Variants in MAST3 observed in about 807,000 individuals in gnomAD.
The protein encoded by MAST3 is microtubule-associated serine/threonine-protein kinase 3.
A neutral mutation model predicts 127.0 loss-of-function variants in MAST3; 43 were observed. That is an observed-to-expected ratio of 0.34 (90% CI 0.27 to 0.44). The LOEUF is 0.44. Among genes scored for constraint, MAST3 ranks in the 20% least tolerant of loss-of-function variants. The probability of loss-of-function intolerance (pLI) is 1.00; values close to 1 mark genes in which losing one functional copy is unlikely to be tolerated. For missense variants in MAST3, 1,390 were observed against 1,919.1 expected (o/e 0.72, Z 5.15); for synonymous variants, 785 against 809.2 (o/e 0.97, Z 0.51).
chr19:18,143,324 C>T (rs2042711189), intron 21 of MAST3, among the ~76,000 whole-genome samples: 1 of 152,160 alleles, frequency 6.6e-6, no homozygotes, highest in South Asian at 2.1e-4. Context: ...GCCTGTAATC[C>T]CAGCACTTTG....
At chr19:18,099,823 C>T (rs1429543279) in intron 1 of MAST3, among the ~76,000 whole-genome samples, 1 of 152,210 alleles carries the variant, frequency 6.6e-6, no homozygotes, top group Non-Finnish European at 1.5e-5. Flanking sequence ...TATTTCTTAG[C>T]ACTAGAGGCT....
At position 18,150,707 on chromosome 19, in the gene MAST3, C is replaced by T. The variant is rs1020048619; in HGVS notation, c.*981C>T. 1.3e-5 allele frequency: 2 copies of T among 152,346 alleles called. No homozygotes were observed. The highest frequency in any genetic ancestry group is 2.9e-5 in the Non-Finnish European group (2 of 68,108). The allele number at this position is 152,346 out of a possible 1,614,324, so 9.4% of individuals were successfully genotyped here. On this transcript the variant is annotated 3_prime_UTR_variant, in exon 28 of 28. Coordinates refer to ENST00000687212, the MANE Select transcript of MAST3 (RefSeq NM_001393504.1). The stretch of plus-strand genomic sequence containing the variant: ...CTATATATAGAGTCTGCCTCCAATC[C>T]TGCTGGCTTCAGCCTGGAGAAGGGA...
rs901201692 is a variant in MAST3 at position 18,112,995 on chromosome 19, A to G, written c.161+2254A>G. 6.6e-6 allele frequency among the ~76,000 whole-genome samples: 1 copy of G among 152,170 alleles called. No individual in the cohort carries two copies. Among genetic ancestry groups the G allele is most frequent in the Non-Finnish European group, 1.5e-5 (1 of 68,030 alleles). ...GAGCATCCTAGGAAGGTTTCGGGCC[A>G]GATCTGACTCTGTCTAAATCCTTGG... On this transcript the variant is annotated intron_variant, in intron 3 of 27. Coordinates refer to ENST00000687212, the MANE Select transcript of MAST3 (RefSeq NM_001393504.1). This position sits in a 1 kb window ranked among gnomAD's most constrained non-coding sequence, Gnocchi z 4.1.
intron 2 of MAST3, chr19:18,109,902 A>T: frequency 3.1e-6 from 3 of 974,320 alleles, no homozygotes; most frequent in Non-Finnish European, 3.7e-6. Flanking sequence ...GGCCGGGGCG[A>T]GGGCAGAGGC....
At chr19:18,099,170 C>T (rs2037317272) in intron 1 of MAST3, among the ~76,000 whole-genome samples, 1 of 151,508 alleles carries the variant, frequency 6.6e-6, no homozygotes, top group African/African-American at 2.4e-5. Flanking sequence ...CCGGTAGCTG[C>T]GGGACTGCGA....
At chr19:18,102,470 C>T (rs1163055258) in intron 1 of MAST3, among the ~76,000 whole-genome samples, 5 of 150,924 alleles carry the variant, frequency 3.3e-5, no homozygotes, top group East Asian at 1.9e-4. Context: ...TGAGCCACTG[C>T]GCCCGGCCAC....
Position 18,149,326 on chromosome 19 carries a change from G to C in MAST3, c.3644G>C (p.Arg1215Pro), listed in dbSNP as rs958308656. ...GGGCCACCCCGCCCCAAGACTGGCC[G>C]CCGCAAGTCCACCAGCAGCATCCCG... ...KLGPPRPKTGRRKSTSSIPPS... is the reference protein window; with the variant it reads ...KLGPPRPKTGPRKSTSSIPPS... Residue 1215 changes from arginine to proline, a missense_variant, in exon 28 of 28, where the codon CGC becomes CCC. Transcript: ENST00000687212. The surrounding 1 kb of genome is among the most constrained non-coding windows in gnomAD (Gnocchi z 5.9). 1 of 1,525,090 alleles carries C rather than the reference G, an allele frequency of 6.6e-7. No individual in the cohort carries two copies. Among genetic ancestry groups the C allele is most frequent in the Admixed American group, 2.1e-5 (1 of 48,728 alleles). 94.5% of individuals were successfully genotyped at this position (1,525,090 alleles called of 1,614,324 possible). A position where few individuals can be genotyped will look rare whatever the true frequency, so the allele number is the denominator to read the frequency against.
At chr19:18,130,293 T>G (rs1281662871) in intron 13 of MAST3, among the ~76,000 whole-genome samples, 1 of 152,158 alleles carries the variant, frequency 6.6e-6, no homozygotes, top group African/African-American at 2.4e-5. Context: ...TGCAGCCCAT[T>G]TATATGGCCC....
intron 3 of MAST3, among the ~76,000 whole-genome samples, chr19:18,118,629 C>T (rs1568560891): frequency 6.6e-6 from 1 of 152,150 alleles, no homozygotes; most frequent in Non-Finnish European, 1.5e-5. Flanking sequence ...GGCTCAGAAG[C>T]AAATATTTAC....
chr19:18,106,768 A>G (rs2038100712), intron 1 of MAST3, among the ~76,000 whole-genome samples: 1 of 150,966 alleles, frequency 6.6e-6, no homozygotes, highest in South Asian at 2.1e-4. Flanking sequence ...ATGGGGTTTC[A>G]CCATGTTGGC....
chr19:18,123,628 TCA>T lies in MAST3; in HGVS notation c.608_609del (p.His203ArgfsTer34). 6 of 1,595,428 alleles carry T rather than the reference TCA, an allele frequency of 3.8e-6. No individual in the cohort carries two copies. Among genetic ancestry groups the T allele is most frequent in the Non-Finnish European group, 5.1e-6 (6 of 1,171,318 alleles). On this transcript the variant is annotated frameshift_variant, in exon 8 of 28. Coordinates refer to ENST00000687212, the MANE Select transcript of MAST3 (RefSeq NM_001393504.1). LOFTEE classifies it high-confidence loss of function. ...TFDNEIVMMNHVYRERFPKAT... is the reference protein window; with the variant it reads ...TFDNEIVMMNXVYRERFPKAT... ...TCGACAATGAGATTGTCATGATGAA[TCA>T]CGTGTACCGGGAGAGGTTCCCCAAG...
intron 2 of MAST3, among the ~76,000 whole-genome samples, chr19:18,108,070 C>A (rs184378239): frequency 2.3e-3 from 354 of 152,282 alleles, no homozygotes; most frequent in Non-Finnish European, 3.2e-3. Flanking sequence ...GCAGGCAGAT[C>A]ACTTGAGGCC....
At chr19:18,133,091 T>C (rs1006044935) in intron 15 of MAST3, among the ~76,000 whole-genome samples, 4 of 147,928 alleles carry the variant, frequency 2.7e-5, no homozygotes, top group African/African-American at 9.9e-5. Flanking sequence ...AGAGCGAGAC[T>C]CCATCTTAAA....
At position 18,121,779 on chromosome 19, in the gene MAST3, T is replaced by C; in HGVS notation, c.250+6T>C. 6.2e-7 allele frequency: 1 copy of C among 1,613,838 alleles called. No homozygotes were observed. The highest frequency in any genetic ancestry group is 8.5e-7 in the Non-Finnish European group (1 of 1,179,848). On this transcript the variant is annotated splice_donor_region_variant and intron_variant, in intron 4 of 27. Coordinates refer to ENST00000687212, the MANE Select transcript of MAST3 (RefSeq NM_001393504.1). The stretch of plus-strand genomic sequence containing the variant: ...GCCATTGTCGGTCCCAACGGGTGAG[T>C]GTGGGAGCAGCCAGCGGGTGCTGTG...
chr19:18,147,873 A>C (rs78305587), intron 27 of MAST3, among the ~76,000 whole-genome samples: 137 of 152,310 alleles, frequency 9.0e-4, no homozygotes, highest in African/African-American at 3.3e-3. Context: ...AACTGAGAAG[A>C]GGCCAGGCAC....
chr19:18,122,172 AGCCC>A, intron 5 of MAST3: 1 of 970,034 alleles, frequency 1.0e-6, no homozygotes, highest in South Asian at 4.8e-5. Context: ...GGGGGGATAT[AGCCC>A]TAAGAATCAT....
At chr19:18,109,947 G>A (rs1358451176) in intron 2 of MAST3, 1 of 985,236 alleles carries the variant, frequency 1.0e-6, no homozygotes, top group East Asian at 1.1e-4. Flanking sequence ...GTCAGGCCAT[G>A]GAGCAATCGC....
chr19:18,110,428 C>A lies in MAST3; in HGVS notation c.72-224C>A. On this transcript the variant is annotated intron_variant, in intron 2 of 27. Coordinates refer to ENST00000687212, the MANE Select transcript of MAST3 (RefSeq NM_001393504.1). The surrounding 1 kb of genome is among the most constrained non-coding windows in gnomAD (Gnocchi z 4.3). ...GGGAGGACAGGATGACAACTACCCT[C>A]CCCCCACGTCTCTGTTCGTGTCGCC... 1 of 982,140 alleles carries A rather than the reference C, an allele frequency of 1.0e-6. No homozygotes were observed. Among genetic ancestry groups the A allele is most frequent in the Non-Finnish European group, 1.2e-6 (1 of 826,744 alleles). 60.8% of individuals were successfully genotyped at this position (982,140 alleles called of 1,614,324 possible).
Position 18,145,963 on chromosome 19 carries a change from A to G in MAST3, c.3162+98A>G. 1 of 1,392,844 alleles carries G rather than the reference A, an allele frequency of 7.2e-7. No homozygotes were observed. The highest frequency in any genetic ancestry group is 1.4e-5 in the South Asian group (1 of 70,652). The allele number at this position is 1,392,844 out of a possible 1,614,324, so 86.3% of individuals were successfully genotyped here. ...TCTCCGCGTCCAGACACACAACCCC[A>G]CATTCAATGTCAACTCCAGGCCTGG... On this transcript the variant is annotated intron_variant, in intron 25 of 27. Coordinates refer to ENST00000687212, the MANE Select transcript of MAST3 (RefSeq NM_001393504.1). The surrounding 1 kb of genome is among the most constrained non-coding windows in gnomAD (Gnocchi z 5.9).
Sources: gnomAD v4.1 joint callset for allele counts (sites outside exome capture counted in the v4.1 genomes callset) on GRCh38, gnomAD v4.1.1 for gene constraint, Gnocchi (gnomAD v3.1) non-coding constraint, MANE v1.5 for transcripts, NCBI Gene and HGNC (gene_info 2026-07-23, HGNC 2026-07-21) for gene names.